The following LOXHD1 variants were observed in gnomAD, a reference collection of about 807,000 sequenced individuals.
LOXHD1 encodes lipoxygenase homology PLAT domains 1.
LOXHD1 carries 205 observed loss-of-function variants against 248.2 expected under a neutral mutation model. That is an observed-to-expected ratio of 0.83 (90% CI 0.74 to 0.93). LOXHD1 has a LOEUF of 0.93. Ranked by LOEUF, LOXHD1 falls within the 40% of genes least tolerant of loss-of-function variation. LOXHD1 has a pLI of 0.00. For synonymous variants in LOXHD1, 1,113 were observed against 1,162.8 expected (o/e 0.96, Z 0.87); for missense variants, 2,930 against 2,971.6 (o/e 0.99, Z 0.33).
At position 46,566,371 on chromosome 18, in the gene LOXHD1, G is replaced by A; in HGVS notation, c.2323C>T (p.Pro775Ser). Residue 775 changes from proline to serine, a missense_variant, in exon 17 of 41, where the codon CCC becomes TCC. Coordinates refer to ENST00000642948, the MANE Select transcript of LOXHD1 (RefSeq NM_001384474.1). Reference protein sequence around the residue: ...WFLGSVQIRVPRQGKQYTFPA... With the variant: ...WFLGSVQIRVSRQGKQYTFPA... ...AAGGTGTACTGCTTGCCTTGACGGG[G>A]CACACGGATCTGAACGCTGCCCAGG... 6.4e-7 allele frequency: 1 copy of A among 1,551,686 alleles called. No individual in the cohort carries two copies. The highest frequency in any genetic ancestry group is 8.7e-7 in the Non-Finnish European group (1 of 1,147,016).
intron 16 of LOXHD1, 106 bp downstream of exon 16, chr18:46,569,336 G>T: frequency 1.1e-6 from 1 of 944,064 alleles, no homozygotes. Flanking sequence ...GTACATGAGT[G>T]TGTGCGTGTG....
chr18:46,582,924 C>A (rs1287522732), intron 12 of LOXHD1, among the ~76,000 whole-genome samples: 3 of 152,106 alleles, frequency 2.0e-5, no homozygotes, highest in African/African-American at 7.2e-5. Flanking sequence ...AACTTTCCAC[C>A]AGTGTTAAGG....
At position 46,657,057 on chromosome 18, in the gene LOXHD1, G is replaced by C. The variant is rs571167796; in HGVS notation, c.-24C>G. On this transcript the variant is annotated 5_prime_UTR_variant, in exon 1 of 41. Coordinates refer to ENST00000642948, the MANE Select transcript of LOXHD1 (RefSeq NM_001384474.1). ...ATTCTGTCGGCTGCCTTCTCCCAGCGCTCGCAGGCTCACTGTGCCGCCTCC... is the reference window on the plus strand; with the variant it reads ...ATTCTGTCGGCTGCCTTCTCCCAGCCCTCGCAGGCTCACTGTGCCGCCTCC... The C allele has an allele frequency of 3.9e-6, 6 of 1,551,262 alleles. No individual in the cohort carries two copies. The highest frequency in any genetic ancestry group is 5.2e-6 in the Non-Finnish European group (6 of 1,146,846).
chr18:46,653,405 G>A lies in LOXHD1; in HGVS notation c.130+3499C>T, dbSNP rs16939907. ...TGCACAGGCATGTGCATATGTAAACGTACCTTCATAAGTTTTGTTCTGTAT... is the reference window on the plus strand; with the variant it reads ...TGCACAGGCATGTGCATATGTAAACATACCTTCATAAGTTTTGTTCTGTAT... On this transcript the variant is annotated intron_variant, in intron 1 of 40. Transcript: ENST00000642948. Among the ~76,000 whole-genome samples, 672 of 152,276 alleles carry A rather than the reference G, an allele frequency of 4.4e-3. 9 individuals carry two copies. The highest frequency in any genetic ancestry group is 0.014 in the African/African-American group (581 of 41,542).
chr18:46,560,858 G>A (rs113780349), intron 18 of LOXHD1, among the ~76,000 whole-genome samples: 1 of 151,968 alleles, frequency 6.6e-6, no homozygotes. Flanking sequence ...ACGCACGCGC[G>A]CGCGCGCGCC....
chr18:46,601,506 A>AGC (rs1568211482), intron 7 of LOXHD1, 39 bp from the exon 8 acceptor site: 2 of 1,551,556 alleles, frequency 1.3e-6, no homozygotes, highest in Admixed American at 3.9e-5. Context: ...GTTCAATGTG[A>AGC]GCTGCATCAT....
chr18:46,608,990 G>A (rs1436574848), intron 6 of LOXHD1, among the ~76,000 whole-genome samples: 1 of 152,212 alleles, frequency 6.6e-6, no homozygotes, highest in South Asian at 2.1e-4. Flanking sequence ...CAGCTAGGGT[G>A]TCCACATAAT....
At chr18:46,546,737 C>G (rs1240318250) in intron 22 of LOXHD1, among the ~76,000 whole-genome samples, 158 bp downstream of exon 22, 1 of 152,176 alleles carries the variant, frequency 6.6e-6, no homozygotes, top group Non-Finnish European at 1.5e-5. Context: ...TTTACCTCCC[C>G]AGTCTTGCCA....
chr18:46,615,948 T>C (rs2038580444), intron 5 of LOXHD1, among the ~76,000 whole-genome samples: 1 of 152,226 alleles, frequency 6.6e-6, no homozygotes, highest in South Asian at 2.1e-4. Flanking sequence ...CTATTTTTAT[T>C]TGAACAAAGT....
chr18:46,563,539 G>GTGCC (rs1367884453), intron 17 of LOXHD1, among the ~76,000 whole-genome samples: 1 of 152,160 alleles, frequency 6.6e-6, no homozygotes, highest in Non-Finnish European at 1.5e-5. Context: ...TCCCTGCTGT[G>GTGCC]TGCCTGCCTG....
intron 12 of LOXHD1, among the ~76,000 whole-genome samples, chr18:46,581,071 A>G (rs2037953140): frequency 6.6e-6 from 1 of 152,184 alleles, no homozygotes; most frequent in Non-Finnish European, 1.5e-5. Flanking sequence ...GCAAGGAAGT[A>G]ACTTGATCTG....
At chr18:46,620,546 A>AT (rs968222810) in intron 4 of LOXHD1, among the ~76,000 whole-genome samples, 5 of 152,260 alleles carry the variant, frequency 3.3e-5, no homozygotes, top group African/African-American at 1.2e-4. Context: ...TATAAAGCAG[A>AT]TTTTCACTCA....
downstream of LOXHD1, chr18:46,477,078 G>T: frequency 1.4e-6 from 1 of 701,834 alleles, no homozygotes; most frequent in South Asian, 1.5e-5. Context: ...AATTTAATTA[G>T]CCTAGCTTTT....
intron 5 of LOXHD1, among the ~76,000 whole-genome samples, chr18:46,615,977 A>G (rs534845499): frequency 4.2e-4 from 64 of 152,242 alleles, no homozygotes; most frequent in African/African-American, 1.5e-3. Flanking sequence ...TTAAAGTTTC[A>G]TTTGACAGAT....
At chr18:46,652,439 A>G (rs548692033) in intron 1 of LOXHD1, among the ~76,000 whole-genome samples, 12 of 152,268 alleles carry the variant, frequency 7.9e-5, no homozygotes, top group Non-Finnish European at 2.9e-5. Context: ...GGATAGCCAC[A>G]TAGCCAATAG....
chr18:46,477,509 T>C lies in LOXHD1; in HGVS notation c.6785A>G (p.Asp2262Gly), dbSNP rs1240381829. The C allele has an allele frequency of 3.2e-6, 5 of 1,550,198 alleles. No homozygotes were observed. The highest frequency in any genetic ancestry group is 1.4e-5 in the African/African-American group (1 of 72,984). Residue 2262 changes from aspartate (D) to glycine (G), a missense_variant, in exon 41 of 41, where the codon GAT becomes GGT. Asp to Gly is a moderately conservative substitution (Grantham distance 94). Coordinates refer to ENST00000642948, the MANE Select transcript of LOXHD1 (RefSeq NM_001384474.1). ...GAAGAGGTCTCTCCAGGTGAGTCCA[T>C]CCCCCCGCTTCTTGTCCAGCCACCT... ...CGRWLDKKRG[D>G]GLTWRDLFPS...
chr18:46,607,160 TTC>T (rs970155070), intron 6 of LOXHD1, among the ~76,000 whole-genome samples: 1 of 150,894 alleles, frequency 6.6e-6, no homozygotes, highest in Non-Finnish European at 1.5e-5. Flanking sequence ...CAGAGTGACA[TTC>T]TGTCTCAAAA....
intron 15 of LOXHD1, among the ~76,000 whole-genome samples, chr18:46,570,144 C>G (rs2037722891): frequency 1.3e-5 from 2 of 152,208 alleles, no homozygotes; most frequent in Admixed American, 1.3e-4. Flanking sequence ...AAGATGGCAA[C>G]AGTTAAGAGG....
At chr18:46,539,010 C>G (rs2036441932) in intron 25 of LOXHD1, among the ~76,000 whole-genome samples, 1 of 152,158 alleles carries the variant, frequency 6.6e-6, no homozygotes, top group South Asian at 2.1e-4. Context: ...ATTGGTCCCA[C>G]CAGGGACTAT....
Sources: allele counts gnomAD v4.1 joint callset (sites outside exome capture counted in the v4.1 genomes callset), GRCh38; gene constraint gnomAD v4.1.1; transcripts MANE v1.5; gene names NCBI Gene and HGNC (gene_info 2026-07-23, HGNC 2026-07-21).